MYO5A: variants seen among roughly 807,000 people sequenced by gnomAD.
MYO5A encodes myosin VA, also known as unconventional myosin-Va.
In MYO5A, 98 loss-of-function variants were observed where a neutral mutation model predicts 249.7. The observed-to-expected ratio is 0.39, with a 90% CI of 0.33 to 0.46. MYO5A has a LOEUF of 0.46. MYO5A is among the 20% of genes least tolerant of loss of function. The pLI is 0.98. For synonymous variants in MYO5A, 778 were observed against 810.6 expected (o/e 0.96, Z 0.68); for missense variants, 1,696 against 2,308.8 (o/e 0.73, Z 5.44).
At chr15:52,507,453 C>A (rs1207181315) in intron 1 of MYO5A, among the ~76,000 whole-genome samples, 1 of 152,116 alleles carries the variant, frequency 6.6e-6, no homozygotes, top group Non-Finnish European at 1.5e-5. Context: ...ATAGCCAAAT[C>A]CTAACTAGAA....
At chr15:52,324,455 G>C (rs1042692928) in intron 36 of MYO5A, among the ~76,000 whole-genome samples, 4 of 152,192 alleles carry the variant, frequency 2.6e-5, no homozygotes, top group African/African-American at 9.7e-5. Flanking sequence ...TTGTATATGG[G>C]AAGTCACAAA....
chr15:52,323,085 T>C (rs1376930577), intron 37 of MYO5A, among the ~76,000 whole-genome samples: 1 of 152,204 alleles, frequency 6.6e-6, no homozygotes, highest in African/African-American at 2.4e-5. Context: ...CACTAAAACA[T>C]ACTGACAAAA....
At position 52,514,397 on chromosome 15, in the gene MYO5A, A is replaced by T. The variant is rs192204722; in HGVS notation, c.27+14383T>A. Among the ~76,000 whole-genome samples, 12 of 152,324 alleles carry T rather than the reference A, an allele frequency of 7.9e-5. No individual in the cohort carries two copies. The East Asian group carries it at 2.1e-3, about 27-fold the overall frequency. On this transcript the variant is annotated intron_variant, in intron 1 of 41. Transcript: ENST00000399233. ...TAGACAACTGCAATGCAGTGCAGTA[A>T]AGGGTTAGGACAGAAGTAAACTGAA...
rs188341256 is a variant in MYO5A, at chr15:52,366,766, T to A, written c.3160+265A>T. Among the ~76,000 whole-genome samples, 346 of 151,618 alleles carry A rather than the reference T, an allele frequency of 2.3e-3. 2 individuals are homozygous for A. The highest frequency in any genetic ancestry group is 6.7e-3 in the African/African-American group (278 of 41,370). On this transcript the variant is annotated intron_variant, in intron 23 of 41. Coordinates refer to ENST00000399233, the MANE Select transcript of MYO5A (RefSeq NM_001382347.1). The stretch of plus-strand genomic sequence containing the variant: ...TCACACATGCAGAACAAATTAATTT[T>A]AAAAAAAAATTACATATGACACTGA...
chr15:52,376,706 T>TA (rs2041433598), intron 18 of MYO5A, 148 bp from the exon 19 acceptor site: 2 of 719,444 alleles, frequency 2.8e-6, no homozygotes, highest in African/African-American at 3.6e-5. Flanking sequence ...GAGCCAGATT[T>TA]TTAATCCTAT....
chr15:52,320,447 T>C lies in MYO5A; in HGVS notation c.4951+912A>G, dbSNP rs554730376. Among the ~76,000 whole-genome samples, 4 of 152,280 alleles carry C rather than the reference T, an allele frequency of 2.6e-5. No individual in the cohort carries two copies. The South Asian group carries it at 6.2e-4, about 24-fold the overall frequency. On this transcript the variant is annotated intron_variant, in intron 38 of 41. Transcript: ENST00000399233. ...CAGCCAATAGAAACAGGCAAAGCAA[T>C]AGAAAAACTGGCTGAAGTTGACCTT...
chr15:52,459,184 T>TTA (rs2076184300), intron 1 of MYO5A, among the ~76,000 whole-genome samples: 1 of 131,310 alleles, frequency 7.6e-6, no homozygotes, highest in South Asian at 2.6e-4. Flanking sequence ...TAGTATTTAT[T>TTA]GATCATTCTT....
chr15:52,321,274 C>T (rs2038297659), intron 38 of MYO5A, 85 bp downstream of exon 38: 2 of 1,560,148 alleles, frequency 1.3e-6, no homozygotes, highest in Non-Finnish European at 1.8e-6. Flanking sequence ...GAATACCTGC[C>T]CTGAAACATG....
At chr15:52,339,201 T>C (rs140476917) in intron 32 of MYO5A, among the ~76,000 whole-genome samples, 19 of 152,156 alleles carry the variant, frequency 1.2e-4, no homozygotes, top group African/African-American at 4.6e-4. Context: ...TAAATGACAC[T>C]AGAAAACTGT....
chr15:52,314,669 G>C (rs541155603), intron 40 of MYO5A, among the ~76,000 whole-genome samples: 1 of 152,028 alleles, frequency 6.6e-6, no homozygotes, highest in Admixed American at 6.5e-5. Context: ...TATCTCTTTT[G>C]AATGTTTTTT....
chr15:52,340,451 C>T (rs744501), intron 31 of MYO5A, 57 bp from the exon 32 acceptor site: 208 of 1,490,290 alleles, frequency 1.4e-4, no homozygotes, highest in Non-Finnish European at 1.8e-4. Context: ...TGCTGCCTAA[C>T]GGGTGTAAGG....
chr15:52,316,337 ATGCTGTCACTAT>A (rs2038015529), intron 40 of MYO5A, among the ~76,000 whole-genome samples: 1 of 151,842 alleles, frequency 6.6e-6, no homozygotes, highest in Admixed American at 6.6e-5. Flanking sequence ...GCCTTGCTTC[ATGCTGTCACTAT>A]AATCCTCAAA....
chr15:52,497,327 C>A (rs887116552), intron 1 of MYO5A, among the ~76,000 whole-genome samples: 2 of 151,438 alleles, frequency 1.3e-5, no homozygotes, highest in African/African-American at 4.9e-5. Flanking sequence ...CAAGTCTCAA[C>A]AAATTTCAAA....
chr15:52,310,786 G>A lies in MYO5A; in HGVS notation c.*2910C>T, dbSNP rs1470064905. On this transcript the variant is annotated 3_prime_UTR_variant, in exon 42 of 42. Transcript: ENST00000399233. ...GCTGACAGAGAGAAAGAACCTCAGA[G>A]GGAAAGCAATCCTCAAACTGGCCCA... 6.6e-6 allele frequency: 1 copy of A among 152,402 alleles called. No individual in the cohort carries two copies. Among genetic ancestry groups the A allele is most frequent in the Non-Finnish European group, 1.5e-5 (1 of 68,206 alleles). 9.4% of individuals were successfully genotyped at this position (152,402 alleles called of 1,614,324 possible). A position where few individuals can be genotyped will look rare whatever the true frequency, so the allele number is the denominator to read the frequency against.
intron 1 of MYO5A, among the ~76,000 whole-genome samples, chr15:52,447,057 T>C (rs761067323): frequency 6.6e-6 from 1 of 152,114 alleles, no homozygotes; most frequent in Non-Finnish European, 1.5e-5. Flanking sequence ...TGATTGTATT[T>C]TGCAATGTGA....
At chr15:52,400,657 T>C (rs1343436361) in intron 9 of MYO5A, among the ~76,000 whole-genome samples, 1 of 152,182 alleles carries the variant, frequency 6.6e-6, no homozygotes, top group Non-Finnish European at 1.5e-5. Flanking sequence ...CTCTATGATG[T>C]TACCTCATGA....
chr15:52,313,447 T>C lies in MYO5A; in HGVS notation c.*249A>G. 2.0e-6 allele frequency: 1 copy of C among 488,574 alleles called. No individual in the cohort carries two copies. The highest frequency in any genetic ancestry group is 3.7e-6 in the Non-Finnish European group (1 of 270,038). The allele number at this position is 488,574 out of a possible 1,614,324, so 30.3% of individuals were successfully genotyped here. ...TCCTCCCTTCCTTCCATCATTCTCC[T>C]GTATGTAAACTCACGGTACCTAGTT... On this transcript the variant is annotated 3_prime_UTR_variant, in exon 42 of 42. Transcript: ENST00000399233.
Position 52,407,316 on chromosome 15 carries a change from T to C in MYO5A, c.922A>G (p.Thr308Ala), listed in dbSNP as rs1308541954. ...GVDDAKEMAH[T>A]RQACTLLGIS... ...CCTAGCAAAGTGCAGGCCTGCCTAG[T>C]ATGTGCCATCTCCTTTGCATCATCC... Residue 308 changes from threonine (T) to alanine (A), a missense_variant, in exon 8 of 42, where the codon ACT (threonine) becomes GCT (alanine). Physicochemically the swap from Thr to Ala is moderately conservative, Grantham distance 58. Transcript: ENST00000399233. The C allele has an allele frequency of 1.9e-6, 3 of 1,613,376 alleles. No individual in the cohort carries two copies. The highest frequency in any genetic ancestry group is 2.2e-5 in the East Asian group (1 of 44,878).
intron 1 of MYO5A, among the ~76,000 whole-genome samples, chr15:52,468,495 A>G (rs2141439835): frequency 6.6e-6 from 1 of 152,120 alleles, no homozygotes; most frequent in East Asian, 1.9e-4. Context: ...CCGTCTCTAC[A>G]AAAATGTAAA....
Sources: gnomAD v4.1 joint callset for allele counts (sites outside exome capture counted in the v4.1 genomes callset) on GRCh38, gnomAD v4.1.1 for gene constraint, MANE v1.5 for transcripts, NCBI Gene and HGNC (gene_info 2026-07-23, HGNC 2026-07-21) for gene names.